The following CHD9 variants were observed in gnomAD, a reference collection of about 807,000 sequenced individuals.
The protein encoded by CHD9 is ATP-dependent chromatin remodeler CHD9.
A neutral mutation model predicts 316.1 loss-of-function variants in CHD9; 77 were observed. The ratio of observed to expected loss-of-function variants is 0.24; its 90% CI spans 0.20 to 0.29. The LOEUF is 0.29. Among genes scored for constraint, CHD9 ranks in the 10% least tolerant of loss-of-function variants. The pLI is 1.00. For missense variants in CHD9, 2,763 were observed against 3,438.1 expected, an observed-to-expected ratio of 0.80 and a Z score of 4.91; for synonymous variants, 1,129 against 1,158.3, an observed-to-expected ratio of 0.97 and a Z score of 0.51.
intron 36 of CHD9, among the ~76,000 whole-genome samples, chr16:53,316,219 T>G (rs575120024): frequency 1.3e-5 from 2 of 152,290 alleles, no homozygotes; most frequent in African/African-American, 4.8e-5. Context: ...TGGCTAAATA[T>G]TGCAATCCTA....
At chr16:53,104,600 C>T (rs2037163009) in intron 1 of CHD9, among the ~76,000 whole-genome samples, 1 of 152,082 alleles carries the variant, frequency 6.6e-6, no homozygotes, top group Non-Finnish European at 1.5e-5. Context: ...CACTTGAGGT[C>T]AGGAGTTGAA....
At chr16:53,216,519 C>T (rs1207794950) in intron 3 of CHD9, among the ~76,000 whole-genome samples, 1 of 152,136 alleles carries the variant, frequency 6.6e-6, no homozygotes, top group Non-Finnish European at 1.5e-5. Context: ...TGTTGGAACT[C>T]ATAATCTGAG....
intron 1 of CHD9, among the ~76,000 whole-genome samples, chr16:53,097,439 C>G (rs2036482705): frequency 6.6e-6 from 1 of 151,778 alleles, no homozygotes; most frequent in Admixed American, 6.6e-5. Context: ...TGCTCTGTCA[C>G]CCAGGCTGGA....
chr16:53,321,320 A>T (rs1376740027), intron 37 of CHD9: 2 of 1,360,804 alleles, frequency 1.5e-6, no homozygotes, highest in Non-Finnish European at 1.9e-6. Flanking sequence ...TAAAACATTT[A>T]AAATTTACAT....
In CHD9 at chr16:53,193,550, A is replaced by G. The variant is rs930669950; in HGVS notation, c.1453-15932A>G. Among the ~76,000 whole-genome samples the G allele has an allele frequency of 2.6e-5, 4 of 152,274 alleles. No individual in the cohort carries two copies. The South Asian group carries it at 8.3e-4, about 32-fold the overall frequency. ...TTCCCTAATGTCTAATAATCTGAGC[A>G]TCTTTTCTAGTGTTTATTCGCAATC... On this transcript the variant is annotated intron_variant, in intron 2 of 38. Transcript: ENST00000447540.
chr16:53,171,779 A>G (rs1243399570), intron 2 of CHD9, among the ~76,000 whole-genome samples: 2 of 151,732 alleles, frequency 1.3e-5, no homozygotes, highest in Non-Finnish European at 2.9e-5. Context: ...TGAGCCCAGG[A>G]GACAGGGGTT....
intron 1 of CHD9, among the ~76,000 whole-genome samples, chr16:53,083,994 C>T (rs1481972380): frequency 6.6e-6 from 1 of 152,036 alleles, no homozygotes; most frequent in Admixed American, 6.5e-5. Flanking sequence ...AAATGATCCT[C>T]CCGCCTCAGC....
intron 10 of CHD9, among the ~76,000 whole-genome samples, chr16:53,234,675 C>T (rs1390185734): frequency 6.6e-6 from 1 of 151,926 alleles, no homozygotes; most frequent in African/African-American, 2.4e-5. Context: ...CTCCTAATCT[C>T]AAGCGATCCT....
chr16:53,064,558 C>T (rs2033311831), intron 1 of CHD9, among the ~76,000 whole-genome samples: 1 of 152,094 alleles, frequency 6.6e-6, no homozygotes, highest in Non-Finnish European at 1.5e-5. Context: ...GGCTGGTGAA[C>T]CTGGTTCTCT....
intron 2 of CHD9, among the ~76,000 whole-genome samples, chr16:53,172,733 G>T (rs531664215): frequency 6.6e-6 from 1 of 152,238 alleles, no homozygotes; most frequent in African/African-American, 2.4e-5. Flanking sequence ...GAAGATAGTG[G>T]TATCTGATTG....
chr16:53,318,192 T>C lies in CHD9; in HGVS notation c.7585-20T>C, dbSNP rs764440429. 1.9e-6 allele frequency: 3 copies of C among 1,593,810 alleles called. No individual in the cohort carries two copies. The highest frequency in any genetic ancestry group is 2.6e-6 in the Non-Finnish European group (3 of 1,171,128). The stretch of plus-strand genomic sequence containing the variant: ...CACAGTTAAAGACTTTAAAGATATG[T>C]CTTTATCTATATATTTTAGAGAATG... On this transcript the variant is annotated intron_variant, in intron 36 of 38. Transcript: ENST00000447540.
At chr16:53,219,410 C>T (rs1395329980) in intron 3 of CHD9, among the ~76,000 whole-genome samples, 3 of 152,064 alleles carry the variant, frequency 2.0e-5, no homozygotes, top group Non-Finnish European at 2.9e-5. Flanking sequence ...GACAGGAAGG[C>T]GGCTGAAGAC....
chr16:53,114,700 G>C (rs1350229174), intron 1 of CHD9, among the ~76,000 whole-genome samples: 1 of 152,196 alleles, frequency 6.6e-6, no homozygotes, highest in Non-Finnish European at 1.5e-5. Flanking sequence ...CCATTCTCCT[G>C]TCTCAGCCTC....
chr16:53,204,198 T>A lies in CHD9; in HGVS notation c.1453-5284T>A, dbSNP rs540138155. On this transcript the variant is annotated intron_variant, in intron 2 of 38. Coordinates refer to ENST00000447540, the MANE Select transcript of CHD9 (RefSeq NM_001308319.2). ...CCAGGAGAGGAACCTGTTCTCTGAG[T>A]GTACAGTGGTCATGTGATCATTTTT... Among the ~76,000 whole-genome samples the A allele has an allele frequency of 2.0e-5, 3 of 151,680 alleles. No individual in the cohort carries two copies. In the East Asian group the frequency reaches 5.8e-4, roughly 29 times the overall value.
chr16:53,198,577 C>T (rs1402569861), intron 2 of CHD9, among the ~76,000 whole-genome samples: 3 of 152,122 alleles, frequency 2.0e-5, no homozygotes, highest in African/African-American at 7.2e-5. Context: ...CCGCCTGCCT[C>T]GGCCTCCCAA....
intron 1 of CHD9, among the ~76,000 whole-genome samples, chr16:53,113,490 T>G (rs2038030981): frequency 6.6e-6 from 1 of 151,666 alleles, no homozygotes; most frequent in Non-Finnish European, 1.5e-5. Context: ...TTTTTGTATT[T>G]TTAGTAGAGA....
At chr16:53,072,792 T>G (rs945989469) in intron 1 of CHD9, among the ~76,000 whole-genome samples, 2 of 152,060 alleles carry the variant, frequency 1.3e-5, no homozygotes, top group Non-Finnish European at 2.9e-5. Flanking sequence ...CCTCCCGGGT[T>G]CAAGCAATTC....
chr16:53,261,359 C>CTTTTTTTT (rs1195811638), intron 19 of CHD9, among the ~76,000 whole-genome samples: 4 of 61,882 alleles, frequency 6.5e-5, no homozygotes, highest in African/African-American at 1.3e-4. Flanking sequence ...GTGTTTTAGA[C>CTTTTTTTT]TTTTTTTTTT....
intron 1 of CHD9, among the ~76,000 whole-genome samples, chr16:53,120,353 C>T (rs1339843096): frequency 6.6e-6 from 1 of 152,194 alleles, no homozygotes; most frequent in Non-Finnish European, 1.5e-5. Context: ...GTGGCTCACG[C>T]CTGTAATCCC....
Sources: allele counts gnomAD v4.1 joint callset (sites outside exome capture counted in the v4.1 genomes callset), GRCh38; gene constraint gnomAD v4.1.1; transcripts MANE v1.5; gene names NCBI Gene and HGNC (gene_info 2026-07-23, HGNC 2026-07-21).